The following IQCM variants were observed in gnomAD, a reference collection of about 807,000 sequenced individuals.
The protein encoded by IQCM is IQ domain-containing protein M.
A neutral mutation model predicts 57.6 loss-of-function variants in IQCM; 45 were observed. The ratio of observed to expected loss-of-function variants is 0.78; its 90% CI spans 0.62 to 1.00. The LOEUF is 1.00. Among genes scored for constraint, IQCM ranks in the 50% least tolerant of loss-of-function variants. The pLI is 0.00. For synonymous variants in IQCM, 148 were observed against 158.9 expected (o/e 0.93, Z 0.51); for missense variants, 468 against 511.6 (o/e 0.91, Z 0.82).
At chr4:149,466,120 C>T (rs985260570) in intron 12 of IQCM, among the ~76,000 whole-genome samples, 7 of 152,158 alleles carry the variant, frequency 4.6e-5, no homozygotes, top group East Asian at 1.9e-4. Flanking sequence ...ATCAACATTG[C>T]GACATAGCTG....
At chr4:149,700,860 T>C (rs537529074) in intron 5 of IQCM, among the ~76,000 whole-genome samples, 3 of 152,068 alleles carry the variant, frequency 2.0e-5, no homozygotes, top group Non-Finnish European at 4.4e-5. Context: ...GAACAGTTAC[T>C]ATTGTTAATA....
intron 7 of IQCM, among the ~76,000 whole-genome samples, chr4:149,677,978 T>C (rs545220751): frequency 2.0e-5 from 3 of 151,120 alleles, no homozygotes; most frequent in South Asian, 4.2e-4. Flanking sequence ...TGAAAATACA[T>C]GGAGAAGAAA....
Position 149,494,537 on chromosome 4 carries a change from A to G in IQCM, c.1228+53918T>C, listed in dbSNP as rs372058803. Among the ~76,000 whole-genome samples the G allele has an allele frequency of 6.8e-3, 1,038 of 152,270 alleles. 5 individuals are homozygous for G. The highest frequency in any genetic ancestry group is 0.035 in the South Asian group (168 of 4,822). ...GTTTGTGCCCAAGAAACCAGCAAGA[A>G]CTCAAGGCACTTGGGTGACTGCATC... On this transcript the variant is annotated intron_variant, in intron 12 of 13. Coordinates refer to ENST00000636793, the MANE Select transcript of IQCM (RefSeq NM_001363507.2).
At chr4:149,647,644 C>A (rs558684041) in intron 7 of IQCM, among the ~76,000 whole-genome samples, 2 of 151,582 alleles carry the variant, frequency 1.3e-5, no homozygotes, top group South Asian at 2.1e-4. Context: ...TTTTTCTTCT[C>A]TTTTTGCTGG....
intron 2 of IQCM, among the ~76,000 whole-genome samples, chr4:149,783,156 C>A (rs1580287133): frequency 6.6e-6 from 1 of 152,330 alleles, no homozygotes; most frequent in South Asian, 2.1e-4. Context: ...ATCTAACCAG[C>A]ATTTCCTAAC....
chr4:149,640,716 AT>A (rs1209557502), intron 7 of IQCM, among the ~76,000 whole-genome samples: 3 of 151,948 alleles, frequency 2.0e-5, no homozygotes, highest in South Asian at 4.2e-4. Context: ...TGTTTGTGTG[AT>A]TTTTTTTCTC....
intron 2 of IQCM, among the ~76,000 whole-genome samples, chr4:149,810,023 T>C (rs1774414055): frequency 7.3e-6 from 1 of 137,570 alleles, no homozygotes; most frequent in South Asian, 2.2e-4. Flanking sequence ...TATACAGATA[T>C]ATATCTTATC....
chr4:149,586,055 T>TA (rs539188374), intron 9 of IQCM, among the ~76,000 whole-genome samples: 64 of 151,816 alleles, frequency 4.2e-4, no homozygotes, highest in African/African-American at 1.4e-3. Context: ...TCCAATTTTT[T>TA]ATCATTGAAA....
intron 5 of IQCM, among the ~76,000 whole-genome samples, chr4:149,726,591 ATCTAAG>A (rs1470605785): frequency 6.6e-6 from 1 of 152,014 alleles, no homozygotes; most frequent in Non-Finnish European, 1.5e-5. Context: ...CAATGATCTT[ATCTAAG>A]TCTATGACTG....
chr4:149,796,021 G>A (rs12504928), intron 2 of IQCM, among the ~76,000 whole-genome samples: 20,253 of 152,180 alleles, frequency 0.13, 1,432 homozygotes, highest in East Asian at 0.21. Context: ...GCCCTGGGGC[G>A]AGACTCCTTG....
At chr4:149,708,694 T>C (rs536826792) in intron 5 of IQCM, among the ~76,000 whole-genome samples, 3 of 152,190 alleles carry the variant, frequency 2.0e-5, no homozygotes, top group Admixed American at 2.0e-4. Context: ...TGTATACTAC[T>C]GTTTGTTTTA....
At chr4:149,522,066 C>T (rs1249423773) in intron 12 of IQCM, among the ~76,000 whole-genome samples, 1 of 152,204 alleles carries the variant, frequency 6.6e-6, no homozygotes, top group Non-Finnish European at 1.5e-5. Flanking sequence ...CTCCCTCTCA[C>T]TGGGGGTGTT....
intron 13 of IQCM, among the ~76,000 whole-genome samples, chr4:149,358,850 A>T (rs1216398533): frequency 1.3e-5 from 2 of 152,108 alleles, no homozygotes; most frequent in Admixed American, 1.3e-4. Flanking sequence ...TGGACAGTAT[A>T]TCATGATATA....
At chr4:149,461,010 A>G (rs1205895303) in intron 12 of IQCM, among the ~76,000 whole-genome samples, 5 of 152,086 alleles carry the variant, frequency 3.3e-5, no homozygotes, top group African/African-American at 9.7e-5. Context: ...TGAGGTGGGC[A>G]GATCACCTGA....
At chr4:149,802,007 A>AATATAT (rs35851284) in intron 2 of IQCM, among the ~76,000 whole-genome samples, 1 of 151,452 alleles carries the variant, frequency 6.6e-6, no homozygotes, top group Non-Finnish European at 1.5e-5. Flanking sequence ...GTACCCTATT[A>AATATAT]ATATATATAT....
chr4:149,772,064 T>C (rs1332792105), intron 2 of IQCM, among the ~76,000 whole-genome samples: 1 of 152,142 alleles, frequency 6.6e-6, no homozygotes, highest in East Asian at 1.9e-4. Context: ...TTTAGAGAGG[T>C]AACTCTGAGC....
intron 12 of IQCM, among the ~76,000 whole-genome samples, chr4:149,519,628 A>C (rs1263623257): frequency 1.3e-5 from 2 of 152,140 alleles, no homozygotes; most frequent in Admixed American, 1.3e-4. Context: ...CCTGGGCAAC[A>C]GAGCGAGACT....
intron 11 of IQCM, among the ~76,000 whole-genome samples, chr4:149,550,224 C>G (rs2654805): frequency 0.23 from 35,716 of 152,096 alleles, 4,756 homozygotes; most frequent in Non-Finnish European, 0.29. Context: ...TGTTTTTTCT[C>G]AGTTCCCTAG....
chr4:149,371,988 T>G (rs1037549690), intron 13 of IQCM, among the ~76,000 whole-genome samples: 1 of 152,204 alleles, frequency 6.6e-6, no homozygotes, highest in Non-Finnish European at 1.5e-5. Context: ...TCTGAACCAA[T>G]AGTTAAAAAC....
Sources: allele counts gnomAD v4.1 joint callset (sites outside exome capture counted in the v4.1 genomes callset), GRCh38; gene constraint gnomAD v4.1.1; transcripts MANE v1.5; gene names NCBI Gene and HGNC (gene_info 2026-07-23, HGNC 2026-07-21).